The following NLGN1 variants were observed in gnomAD, a reference collection of about 807,000 sequenced individuals.
The protein encoded by NLGN1 is neuroligin-1.
In NLGN1, 12 loss-of-function variants were observed where a neutral mutation model predicts 65.5. The ratio of observed to expected loss-of-function variants is 0.18; its 90% CI spans 0.12 to 0.30. The LOEUF is 0.30. Among genes scored for constraint, NLGN1 ranks in the 10% least tolerant of loss-of-function variants. NLGN1 has a pLI of 1.00. For synonymous variants in NLGN1, 350 were observed against 359.5 expected (o/e 0.97, Z 0.30); for missense variants, 750 against 1,007.1 (o/e 0.74, Z 3.46).
chr3:173,786,635 A>G (rs1782019482), intron 3 of NLGN1, among the ~76,000 whole-genome samples: 2 of 152,246 alleles, frequency 1.3e-5, no homozygotes, highest in Non-Finnish European at 2.9e-5. Flanking sequence ...CGTGCTTAAT[A>G]GTATATGAAT....
At chr3:173,440,157 TCCATTCAAGTTTGTTCATGA>T (rs1036988821) in intron 2 of NLGN1, among the ~76,000 whole-genome samples, 9 of 152,280 alleles carry the variant, frequency 5.9e-5, no homozygotes, top group African/African-American at 1.9e-4. Context: ...CAACTCCTCA[TCCATTCAAGTTTGTTCATGA>T]CATTGCAGCA....
intron 2 of NLGN1, among the ~76,000 whole-genome samples, chr3:173,493,104 G>C (rs1199902767): frequency 6.6e-6 from 1 of 151,614 alleles, no homozygotes; most frequent in Non-Finnish European, 1.5e-5. Context: ...TTTTACCTAT[G>C]GTAAATTTCA....
intron 3 of NLGN1, among the ~76,000 whole-genome samples, chr3:173,632,851 T>TG (rs1560081883): frequency 7.4e-5 from 2 of 26,872 alleles, no homozygotes; most frequent in Non-Finnish European, 1.2e-4. Flanking sequence ...TTTTTTTTGT[T>TG]TTTTTTTTTT....
chr3:174,017,268 T>C (rs1726769245), intron 4 of NLGN1, among the ~76,000 whole-genome samples: 1 of 152,224 alleles, frequency 6.6e-6, no homozygotes, highest in African/African-American at 2.4e-5. Flanking sequence ...GAACTCTTTA[T>C]TCTTCATTAT....
intron 3 of NLGN1, among the ~76,000 whole-genome samples, chr3:173,652,772 T>G (rs1006280530): frequency 6.6e-6 from 1 of 152,242 alleles, no homozygotes; most frequent in Non-Finnish European, 1.5e-5. Flanking sequence ...TTTCTCTAAT[T>G]CTTTGAAACA....
intron 4 of NLGN1, among the ~76,000 whole-genome samples, chr3:173,991,734 G>A (rs983425772): frequency 1.3e-5 from 2 of 152,180 alleles, no homozygotes; most frequent in African/African-American, 4.8e-5. Context: ...ATATGGAGAT[G>A]CTCTTTAATA....
chr3:173,887,469 T>A (rs1434507385), intron 4 of NLGN1, among the ~76,000 whole-genome samples: 1 of 151,942 alleles, frequency 6.6e-6, no homozygotes, highest in African/African-American at 2.4e-5. Flanking sequence ...ATCAAAAAAA[T>A]TTAAATTTTA....
At chr3:173,397,016 C>T (rs1377202820), upstream of NLGN1, among the ~76,000 whole-genome samples, 1 of 152,098 alleles carries the variant, frequency 6.6e-6, no homozygotes, top group Non-Finnish European at 1.5e-5. Flanking sequence ...GTGTTTTAAA[C>T]ATCTGAAGAT....
rs376960643 is a variant in NLGN1 at position 173,985,094 on chromosome 3, A to C, written c.646+177262A>C. ...GTGCCAAACTTCAAGGATGTTTGCT[A>C]TCTCTTCTGCTCTAGAAGCTCTGTA... On this transcript the variant is annotated intron_variant, in intron 4 of 6. Coordinates refer to ENST00000457714, the Ensembl canonical transcript of NLGN1. Among the ~76,000 whole-genome samples, 12 of 152,308 alleles carry C rather than the reference A, an allele frequency of 7.9e-5. No individual in the cohort carries two copies. The East Asian group carries it at 2.1e-3, about 27-fold the overall frequency.
intron 2 of NLGN1, among the ~76,000 whole-genome samples, chr3:173,461,564 A>G (rs955747618): frequency 6.6e-6 from 1 of 152,156 alleles, no homozygotes; most frequent in Non-Finnish European, 1.5e-5. Context: ...TATTGTACAT[A>G]TATGAGAAAT....
At chr3:173,732,933 A>G (rs1480684533) in intron 3 of NLGN1, among the ~76,000 whole-genome samples, 1 of 152,158 alleles carries the variant, frequency 6.6e-6, no homozygotes, top group East Asian at 1.9e-4. Flanking sequence ...TGTTTGTAAC[A>G]GTAGTTAATG....
chr3:173,658,174 A>G lies in NLGN1; in HGVS notation c.493+53083A>G, dbSNP rs541635352. On this transcript the variant is annotated intron_variant, in intron 3 of 6. Coordinates refer to ENST00000457714, the Ensembl canonical transcript of NLGN1. ...TTATACTATAAGTCCAAGGCACCCCATATAAAACTATGAACAATCAAAGAG... is the reference window on the plus strand; with the variant it reads ...TTATACTATAAGTCCAAGGCACCCCGTATAAAACTATGAACAATCAAAGAG... Among the ~76,000 whole-genome samples, 5 of 152,112 alleles carry G rather than the reference A, an allele frequency of 3.3e-5. No homozygotes were observed. In the East Asian group the frequency reaches 5.8e-4, roughly 18 times the overall value.
intron 4 of NLGN1, among the ~76,000 whole-genome samples, chr3:174,225,242 C>T (rs369311818): frequency 3.3e-5 from 5 of 152,084 alleles, no homozygotes; most frequent in African/African-American, 1.2e-4. Flanking sequence ...TGCCTGAAAC[C>T]TTAAAGTTTC....
intron 2 of NLGN1, among the ~76,000 whole-genome samples, chr3:173,514,715 A>G (rs1310890347): frequency 6.6e-6 from 1 of 152,074 alleles, no homozygotes; most frequent in Non-Finnish European, 1.5e-5. Context: ...TGCCCCCTTG[A>G]ATCTGATAAT....
intron 4 of NLGN1, among the ~76,000 whole-genome samples, chr3:174,084,031 T>C (rs1742785387): frequency 6.6e-6 from 1 of 152,228 alleles, no homozygotes; most frequent in Non-Finnish European, 1.5e-5. Flanking sequence ...GTGATGCTTC[T>C]GCTAAATTAT....
chr3:173,746,762 A>G lies in NLGN1; in HGVS notation c.494-60918A>G, dbSNP rs141010093. On this transcript the variant is annotated intron_variant, in intron 3 of 6. Transcript: ENST00000457714. ...AACAGGAATCATCTTTTTATTCAAT[A>G]TAACACCTTTAGGCTGGGGGTGCTA... Among the ~76,000 whole-genome samples the G allele has an allele frequency of 2.6e-3, 394 of 152,136 alleles. 2 individuals are homozygous for G. The highest frequency in any genetic ancestry group is 9.1e-3 in the African/African-American group (379 of 41,546).
chr3:173,467,777 A>G (rs1473627702), intron 2 of NLGN1, among the ~76,000 whole-genome samples: 4 of 152,154 alleles, frequency 2.6e-5, no homozygotes, highest in Non-Finnish European at 4.4e-5. Context: ...TTCACATTTC[A>G]GTGTGAGTCA....
intron 4 of NLGN1, among the ~76,000 whole-genome samples, chr3:174,114,066 G>A (rs537369632): frequency 1.3e-5 from 2 of 152,134 alleles, no homozygotes; most frequent in East Asian, 3.9e-4. Context: ...AGATTAAGTG[G>A]TACAAAAATT....
chr3:174,042,231 T>C (rs1560905465), intron 4 of NLGN1, among the ~76,000 whole-genome samples: 1 of 152,164 alleles, frequency 6.6e-6, no homozygotes, highest in Non-Finnish European at 1.5e-5. Context: ...AATTTTGATG[T>C]ATTATTTTTT....
Sources: gnomAD v4.1 joint callset for allele counts (sites outside exome capture counted in the v4.1 genomes callset) on GRCh38, gnomAD v4.1.1 for gene constraint, MANE v1.5 for transcripts, NCBI Gene and HGNC (gene_info 2026-07-23, HGNC 2026-07-21) for gene names.